PADI6: variants seen among roughly 807,000 people sequenced by gnomAD.
The protein encoded by PADI6 is peptidyl arginine deiminase 6, also known as inactive protein-arginine deiminase type-6.
A neutral mutation model predicts 78.2 loss-of-function variants in PADI6; 66 were observed. The observed-to-expected ratio is 0.84, with a 90% CI of 0.69 to 1.04. The LOEUF is 1.04. PADI6 is among the 50% of genes least tolerant of loss of function. The pLI, the probability that PADI6 is intolerant of heterozygous loss-of-function variation, is 0.00. For synonymous variants in PADI6, 397 were observed against 346.9 expected (o/e 1.14, Z -1.60); for missense variants, 854 against 866.1 (o/e 0.99, Z 0.18).
chr1:17,398,650 C>CGGGGGGGGG, intron 14 of PADI6, 36 bp from the exon 15 acceptor site: 2 of 102,578 alleles, frequency 1.9e-5, no homozygotes, highest in East Asian at 2.8e-4. Flanking sequence ...CTCCTTGCTC[C>CGGGGGGGGG]CCCGCCCCCC....
At chr1:17,379,733 CCT>C (rs1006284824) in intron 3 of PADI6, among the ~76,000 whole-genome samples, 185 bp from the exon 4 acceptor site, 1 of 152,132 alleles carries the variant, frequency 6.6e-6, no homozygotes. Flanking sequence ...ACTACTTGGG[CCT>C]CTCCAGGCTT....
rs1491102161 is a variant in PADI6, at chr1:17,384,164, A to ATGCT, written c.679+2072_679+2073insTGCT. ...TCTCAAAAAAAAAAACTTAAAAATC[A>ATGCT]GGGTAGGGCAACACAGCATGTTATG... On this transcript the variant is annotated intron_variant, in intron 6 of 15. Transcript: ENST00000619609. Among the ~76,000 whole-genome samples the ATGCT allele has an allele frequency of 2.0e-4, 30 of 152,190 alleles. No homozygotes were observed. The South Asian group carries it at 5.2e-3, about 26-fold the overall frequency.
At chr1:17,386,662 C>G (rs1328931967) in intron 6 of PADI6, among the ~76,000 whole-genome samples, 5 of 152,192 alleles carry the variant, frequency 3.3e-5, no homozygotes, top group African/African-American at 1.2e-4. Flanking sequence ...GAAGCAGGAA[C>G]TAGCACAGGA....
intron 15 of PADI6, among the ~76,000 whole-genome samples, chr1:17,400,625 G>A (rs944056628): frequency 3.9e-5 from 6 of 152,184 alleles, no homozygotes; most frequent in African/African-American, 9.7e-5. Flanking sequence ...AGCCTATGCC[G>A]ACTGTGGCTC....
chr1:17,388,458 T>C lies in PADI6; in HGVS notation c.757T>C (p.Leu253=). The change falls in exon 7 of 16, where the codon TTG becomes CTG. Residue 253 remains leucine, a synonymous_variant. Coordinates refer to ENST00000619609, the MANE Select transcript of PADI6 (RefSeq NM_207421.4). ...TACCTTGGCCCTCCTCGGGAACCAC[T>C]TGAAGGAGACTTTCTACGTTGAAGC... ...AYTLALLGNH[L]KETFYVEAIA... 2 of 1,613,806 alleles carry C rather than the reference T, an allele frequency of 1.2e-6. No individual in the cohort carries two copies. The highest frequency in any genetic ancestry group is 1.7e-6 in the Non-Finnish European group (2 of 1,179,774).
In PADI6 at chr1:17,394,302, C is replaced by T. The variant is rs1383305395; in HGVS notation, c.1185C>T (p.Ser395=). ...CCCTGGCTCGGTCTCTCCCCCAGAG[C>T]CCTGGTATTGGCTACATGATCCAGG... ...LDEFPMKYSL[S]PGIGYMIQDT... The change falls in exon 11 of 16, where the codon AGC becomes AGT. Residue 395 remains serine (S), a splice_region_variant and synonymous_variant. Transcript: ENST00000619609. The T allele has an allele frequency of 2.5e-6, 4 of 1,612,666 alleles. No individual in the cohort carries two copies. Among genetic ancestry groups the T allele is most frequent in the Non-Finnish European group, 3.4e-6 (4 of 1,178,828 alleles).
At chr1:17,379,064 C>T (rs2075046727) in intron 3 of PADI6, among the ~76,000 whole-genome samples, 1 of 151,388 alleles carries the variant, frequency 6.6e-6, no homozygotes, top group South Asian at 2.1e-4. Flanking sequence ...CCTGCCTTGG[C>T]TTCCCAAGAG....
At chr1:17,385,560 A>G (rs576272730) in intron 6 of PADI6, among the ~76,000 whole-genome samples, 4 of 152,234 alleles carry the variant, frequency 2.6e-5, no homozygotes, top group Admixed American at 1.3e-4. Context: ...AGTCTGGGTT[A>G]TGATCATTGT....
Position 17,401,575 on chromosome 1 carries a change from C to A in PADI6, c.*137C>A. The A allele has an allele frequency of 3.7e-6, 3 of 807,936 alleles. No homozygotes were observed. Among genetic ancestry groups the A allele is most frequent in the Non-Finnish European group, 5.8e-6 (3 of 520,282 alleles). 50.0% of individuals were successfully genotyped at this position (807,936 alleles called of 1,614,324 possible). A position where few individuals can be genotyped will look rare whatever the true frequency, so the allele number is the denominator to read the frequency against. ...CCCTTTCTTCCCTGTCTGCCCCGACCGACCCTCGGACCCAGTAGGATGGCA... is the reference window on the plus strand; with the variant it reads ...CCCTTTCTTCCCTGTCTGCCCCGACAGACCCTCGGACCCAGTAGGATGGCA... On this transcript the variant is annotated 3_prime_UTR_variant, in exon 16 of 16. Coordinates refer to ENST00000619609, the MANE Select transcript of PADI6 (RefSeq NM_207421.4).
At chr1:17,388,190 G>C (rs866568094) in intron 6 of PADI6, among the ~76,000 whole-genome samples, 191 bp from the exon 7 acceptor site, 2 of 152,232 alleles carry the variant, frequency 1.3e-5, no homozygotes, top group African/African-American at 4.8e-5. Flanking sequence ...GCCATTGCTT[G>C]TGTATGAACA....
At chr1:17,381,374 G>T (rs974254583) in intron 5 of PADI6, among the ~76,000 whole-genome samples, 2 of 152,106 alleles carry the variant, frequency 1.3e-5, no homozygotes, top group African/African-American at 4.8e-5. Flanking sequence ...GAGCATGGGT[G>T]GTTACTTGTT....
In PADI6 at chr1:17,401,341, A is replaced by G. The variant is rs1250048335; in HGVS notation, c.1988A>G (p.Asp663Gly). 1 of 1,614,046 alleles carries G rather than the reference A, an allele frequency of 6.2e-7. No homozygotes were observed. The highest frequency in any genetic ancestry group is 8.5e-7 in the Non-Finnish European group (1 of 1,179,908). Residue 663 changes from aspartate to glycine, a missense_variant, in exon 16 of 16, where the codon GAC becomes GGC. By Grantham distance (94) the Asp-to-Gly change is moderately conservative (BLOSUM62 -1). Transcript: ENST00000619609. ...GGCTTCAAGTGCACCTTCATCAATG[A>G]CTTTGACTGTTACCTGACAGAGGTC... Reference protein sequence around the residue: ...PLGFKCTFINDFDCYLTEVGD... With the variant: ...PLGFKCTFINGFDCYLTEVGD...
chr1:17,387,613 G>A (rs111558767), intron 6 of PADI6, among the ~76,000 whole-genome samples: 2,078 of 152,192 alleles, frequency 0.014, 43 homozygotes, highest in African/African-American at 0.042. Flanking sequence ...TTAGCCAGGC[G>A]TGTGGTGGTA....
intron 3 of PADI6, among the ~76,000 whole-genome samples, chr1:17,376,522 T>TTATTTTTAGTGGGCTATTTTTTTTG (rs1230348764): frequency 2.7e-5 from 4 of 149,700 alleles, no homozygotes; most frequent in African/African-American, 4.9e-5. Flanking sequence ...CTAATTTTTT[T>TTATTTTTAGTGGGCTATTTTTTTTG]TATTTTTAGT....
At chr1:17,400,203 C>T (rs1245499232) in intron 15 of PADI6, among the ~76,000 whole-genome samples, 1 of 99,572 alleles carries the variant, frequency 1.0e-5, no homozygotes, top group East Asian at 2.7e-4. Context: ...TCTGATAAAC[C>T]AAACCAAAAA....
rs771131774 is a variant in PADI6, at chr1:17,373,047, G to GC, written c.117-8dup. ...TGCCCTGACGCGTGTCTCTTACCGGGCAAACCAGGTGTGCCCCCCAGAAGT... is the reference window on the plus strand; with the variant it reads ...TGCCCTGACGCGTGTCTCTTACCGGGCCAAACCAGGTGTGCCCCCCAGAAGT... On this transcript the variant is annotated splice_polypyrimidine_tract_variant and intron_variant, in intron 1 of 15. Coordinates refer to ENST00000619609, the MANE Select transcript of PADI6 (RefSeq NM_207421.4). The GC allele has an allele frequency of 2.7e-5, 44 of 1,611,834 alleles. No individual in the cohort carries two copies. Among genetic ancestry groups the GC allele is most frequent in the Non-Finnish European group, 3.5e-5 (41 of 1,178,352 alleles).
At position 17,373,220 on chromosome 1, in the gene PADI6, T is replaced by C; in HGVS notation, c.281T>C (p.Val94Ala). 1 of 1,613,872 alleles carries C rather than the reference T, an allele frequency of 6.2e-7. No individual in the cohort carries two copies. The highest frequency in any genetic ancestry group is 8.5e-7 in the Non-Finnish European group (1 of 1,179,822). Residue 94 changes from valine (V) to alanine (A), a missense_variant, in exon 2 of 16, where the codon GTG becomes GCG. By Grantham distance (64) the Val-to-Ala change is moderately conservative (BLOSUM62 0). Coordinates refer to ENST00000619609, the MANE Select transcript of PADI6 (RefSeq NM_207421.4). ...TVKMTSPSPS[V>A]DADKVSVTYY... ...AAGATGACATCGCCCAGCCCTTCCGTGGATGCGGATAAGGTAAGCCTCAGG... is the reference window on the plus strand; with the variant it reads ...AAGATGACATCGCCCAGCCCTTCCGCGGATGCGGATAAGGTAAGCCTCAGG...
intron 13 of PADI6, among the ~76,000 whole-genome samples, chr1:17,396,775 C>T (rs79696063): frequency 2.6e-4 from 40 of 152,314 alleles, no homozygotes; most frequent in Non-Finnish European, 5.1e-4. Flanking sequence ...TGAAGTCATC[C>T]TAACAAGCTC....
chr1:17,390,017 T>C (rs2075166617), intron 8 of PADI6, among the ~76,000 whole-genome samples: 1 of 152,130 alleles, frequency 6.6e-6, no homozygotes, highest in Admixed American at 6.6e-5. Context: ...TAGGAAAAGG[T>C]GGCCAGTGTG....
Sources: allele counts gnomAD v4.1 joint callset (sites outside exome capture counted in the v4.1 genomes callset), GRCh38; gene constraint gnomAD v4.1.1; transcripts MANE v1.5; gene names NCBI Gene and HGNC (gene_info 2026-07-23, HGNC 2026-07-21).